Variants in ZFX observed in about 807,000 individuals in gnomAD.
ZFX encodes zinc finger protein X-linked.
For synonymous variants in ZFX, 196 were observed against 226.8 expected (o/e 0.86, Z 1.22); for missense variants, 362 against 628.3 (o/e 0.58, Z 4.53).
At chrX:24,180,638 C>T (rs781167670) in intron 5 of ZFX, among the ~76,000 whole-genome samples, 1 of 111,771 alleles carries the variant, frequency 8.9e-6, no homozygotes, top group South Asian at 3.7e-4. Flanking sequence ...CTGCCTTGGC[C>T]TTCCAAAGTG....
chrX:24,178,357 C>T (rs760144589), intron 4 of ZFX, among the ~76,000 whole-genome samples: 272 of 102,132 alleles, frequency 2.7e-3, no homozygotes, highest in Non-Finnish European at 3.6e-3. Context: ...GGCGTGATCT[C>T]GGCTCACTGC....
chrX:24,159,380 T>G (rs1329378103), intron 3 of ZFX, among the ~76,000 whole-genome samples: 1 of 112,777 alleles, frequency 8.9e-6, no homozygotes, highest in Non-Finnish European at 1.9e-5. Flanking sequence ...TGTAATCTTG[T>G]TTGGATAACA....
intron 3 of ZFX, among the ~76,000 whole-genome samples, chrX:24,171,781 C>CT (rs1161948981): frequency 9.0e-6 from 1 of 110,601 alleles, no homozygotes; most frequent in Non-Finnish European, 1.9e-5. Context: ...GAACCAGGAG[C>CT]TAAACAGCTG....
chrX:24,188,366 T>G (rs1229323905), intron 5 of ZFX, among the ~76,000 whole-genome samples: 1 of 110,531 alleles, frequency 9.0e-6, no homozygotes, highest in Non-Finnish European at 1.9e-5. Flanking sequence ...TATTTCAGTA[T>G]TTGCTTTTCA....
chrX:24,191,902 G>T (rs1936555858), intron 5 of ZFX, among the ~76,000 whole-genome samples: 1 of 110,758 alleles, frequency 9.0e-6, no homozygotes, highest in African/African-American at 3.3e-5. Context: ...GGTTTGCCAT[G>T]TTGGCCAGGC....
intron 3 of ZFX, among the ~76,000 whole-genome samples, chrX:24,155,168 A>G (rs1486442058): frequency 8.9e-6 from 1 of 112,240 alleles, no homozygotes; most frequent in Non-Finnish European, 1.9e-5. Context: ...GAAAAAAGGA[A>G]TAAAGAAAAA....
chrX:24,191,916 T>G (rs1936557218), intron 5 of ZFX, among the ~76,000 whole-genome samples: 1 of 110,828 alleles, frequency 9.0e-6, no homozygotes, highest in Non-Finnish European at 1.9e-5. Context: ...GCCAGGCTGG[T>G]CTCAAACTCC....
At chrX:24,168,115 AAG>A (rs1379812498) in intron 3 of ZFX, among the ~76,000 whole-genome samples, 1 of 112,399 alleles carries the variant, frequency 8.9e-6, no homozygotes, top group Non-Finnish European at 1.9e-5. Context: ...AATGCAGCTT[AAG>A]AGAGAAGATA....
intron 3 of ZFX, among the ~76,000 whole-genome samples, chrX:24,157,677 G>T (rs2147265394): frequency 8.9e-6 from 1 of 112,363 alleles, no homozygotes; most frequent in South Asian, 3.7e-4. Flanking sequence ...CTTATTGGCA[G>T]AGCACAATAT....
chrX:24,207,262 T>TTTG, intron 5 of ZFX, 64 bp from the exon 6 acceptor site: 1 of 1,075,507 alleles, frequency 9.3e-7, no homozygotes. Flanking sequence ...TTTTTTTTTT[T>TTTG]GCGAATAGTA....
At chrX:24,175,481 T>C (rs754530572) in intron 4 of ZFX, 1 of 112,299 alleles carries the variant, frequency 8.9e-6, no homozygotes, top group South Asian at 3.7e-4. Context: ...ATTTTACTGA[T>C]GAGGAAACTG....
intron 3 of ZFX, among the ~76,000 whole-genome samples, chrX:24,158,803 A>AT (rs34714825): frequency 0.011 from 944 of 89,652 alleles, 14 homozygotes; most frequent in African/African-American, 0.027. Flanking sequence ...TGCCCGGCTA[A>AT]TTTTTTTTTT....
rs1010871101 is a variant in ZFX at position 24,213,865 on chromosome X, TA to T, written c.*2493del. On this transcript the variant is annotated 3_prime_UTR_variant, in exon 10 of 10. Coordinates refer to ENST00000304543, the MANE Select transcript of ZFX (RefSeq NM_003410.4). ...GGAAATGTATTAATTTTAAATCCTA[TA>T]AAATTAATACAGAAAATATAAATGA... 9.0e-6 allele frequency: 1 copy of T among 110,681 alleles called. No individual in the cohort carries two copies. Among genetic ancestry groups the T allele is most frequent in the African/African-American group, 3.3e-5 (1 of 30,326 alleles). The allele number at this position is 110,681 out of a possible 1,213,427, so 9.1% of individuals were successfully genotyped here.
In ZFX at chrX:24,179,501, C is replaced by T. The variant is rs1360562738; in HGVS notation, c.377C>T (p.Ser126Leu). The T allele has an allele frequency of 8.2e-7, 1 of 1,212,306 alleles. No individual in the cohort carries two copies. The highest frequency in any genetic ancestry group is 1.1e-6 in the Non-Finnish European group (1 of 895,686). ...DVLASDITSA[S>L]MSMPEHVLTG... ...TTAGCTTCTGACATTACTTCAGCCT[C>T]AATGTCTATGCCAGAACACGTCTTG... The change falls in exon 5 of 10, where the codon TCA (serine) becomes TTA (leucine). Residue 126 changes from serine to leucine, a missense_variant. Transcript: ENST00000304543.
chrX:24,158,011 G>A (rs769439962), intron 3 of ZFX, among the ~76,000 whole-genome samples: 4 of 110,668 alleles, frequency 3.6e-5, no homozygotes, highest in Non-Finnish European at 7.6e-5. Context: ...TGCCCGCCTC[G>A]GCCTCCCAAA....
chrX:24,181,975 G>T (rs1249471149), intron 5 of ZFX, among the ~76,000 whole-genome samples: 2 of 111,357 alleles, frequency 1.8e-5, no homozygotes, highest in African/African-American at 6.5e-5. Flanking sequence ...TAGTAAAGGG[G>T]ACAGAGAGGT....
At chrX:24,177,835 A>G (rs987571220) in intron 4 of ZFX, 2 of 754,355 alleles carry the variant, frequency 2.7e-6, no homozygotes, top group Admixed American at 8.6e-5. Context: ...AAGAACAAAT[A>G]TGAGTTGAGG....
intron 5 of ZFX, among the ~76,000 whole-genome samples, chrX:24,184,774 C>T (rs918836518): frequency 1.8e-5 from 2 of 110,805 alleles, no homozygotes; most frequent in African/African-American, 3.3e-5. Flanking sequence ...AATATAATTT[C>T]TTTCCTTTTA....
At chrX:24,175,568 ATTTTGGTTTTT>A (rs1459935413) in intron 4 of ZFX, 1 of 82,817 alleles carries the variant, frequency 1.2e-5, no homozygotes, top group Non-Finnish European at 2.4e-5. Context: ...TCTGATTTAG[ATTTTGGTTTTT>A]TTTTGGTTTT....
Sources: allele counts gnomAD v4.1 joint callset (sites outside exome capture counted in the v4.1 genomes callset), GRCh38; gene constraint gnomAD v4.1.1; transcripts MANE v1.5; gene names NCBI Gene and HGNC (gene_info 2026-07-23, HGNC 2026-07-21).